ANO3: variants seen among roughly 807,000 people sequenced by gnomAD.
The protein encoded by ANO3 is anoctamin 3.
Under a neutral mutation model 144.8 loss-of-function variants are expected in ANO3, and 99 were observed. The ratio of observed to expected loss-of-function variants is 0.68; its 90% CI spans 0.58 to 0.81. The LOEUF (loss-of-function observed/expected upper bound fraction) is 0.81. ANO3 is among the 30% of genes least tolerant of loss of function. The pLI is 0.00. For missense variants in ANO3, 905 were observed against 1,202.2 expected (o/e 0.75, Z 3.66); for synonymous variants, 414 against 392.6 (o/e 1.05, Z -0.64).
chr11:26,540,187 G>T (rs1376683115), intron 10 of ANO3, among the ~76,000 whole-genome samples: 1 of 151,948 alleles, frequency 6.6e-6, no homozygotes. Context: ...TCAATTTTTT[G>T]AATATCTTAT....
chr11:26,533,514 A>C (rs1239684414), intron 8 of ANO3, among the ~76,000 whole-genome samples: 2 of 152,152 alleles, frequency 1.3e-5, no homozygotes, highest in Non-Finnish European at 2.9e-5. Context: ...GCGAGTACCG[A>C]GAGCCTTGGA....
At chr11:26,327,558 G>C (rs996070798), upstream of ANO3, among the ~76,000 whole-genome samples, 3 of 152,106 alleles carry the variant, frequency 2.0e-5, no homozygotes, top group South Asian at 2.1e-4. Flanking sequence ...AAGCAATATA[G>C]GATTAAAAGA....
chr11:26,520,546 A>G (rs1442856156), intron 6 of ANO3, among the ~76,000 whole-genome samples: 1 of 152,222 alleles, frequency 6.6e-6, no homozygotes, highest in Non-Finnish European at 1.5e-5. Context: ...AAAATATTTT[A>G]AAATATGCAG....
At position 26,542,274 on chromosome 11, in the gene ANO3, G is replaced by C. The variant is rs189584493; in HGVS notation, c.1154+206G>C. ...TGAGAAATCAAACAGGCTTTGCAAGGTGTCTAAGGGATGAGCAACAGCAAA... is the reference window on the plus strand; with the variant it reads ...TGAGAAATCAAACAGGCTTTGCAAGCTGTCTAAGGGATGAGCAACAGCAAA... On this transcript the variant is annotated intron_variant, in intron 11 of 26. Transcript: ENST00000256737. Among the ~76,000 whole-genome samples, 3 of 152,088 alleles carry C rather than the reference G, an allele frequency of 2.0e-5. No individual in the cohort carries two copies. The South Asian group carries it at 6.2e-4, about 31-fold the overall frequency.
chr11:26,512,154 A>T (rs1401890911), intron 5 of ANO3, among the ~76,000 whole-genome samples: 1 of 152,174 alleles, frequency 6.6e-6, no homozygotes, highest in Non-Finnish European at 1.5e-5. Context: ...CATTTCAGCA[A>T]TTTGTGTTTC....
At chr11:26,396,271 T>C (rs1278422608) in intron 1 of ANO3, among the ~76,000 whole-genome samples, 1 of 152,096 alleles carries the variant, frequency 6.6e-6, no homozygotes, top group Admixed American at 6.6e-5. Flanking sequence ...GTGGTGATCA[T>C]TAAAAAGTCA....
At chr11:26,348,440 TTCTTTTACCAAATATTGATGGAAC>T (rs1855553040) in intron 1 of ANO3, among the ~76,000 whole-genome samples, 1 of 152,218 alleles carries the variant, frequency 6.6e-6, no homozygotes, top group African/African-American at 2.4e-5. Flanking sequence ...GATAATGGGC[TTCTTTTACCAAATATTGATGGAAC>T]TCTTACCATA....
chr11:26,613,379 A>G (rs897181203), intron 17 of ANO3, among the ~76,000 whole-genome samples: 2 of 151,902 alleles, frequency 1.3e-5, no homozygotes, highest in African/African-American at 4.8e-5. Context: ...TCTCATTCAG[A>G]TCATTGGTTA....
intron 14 of ANO3, among the ~76,000 whole-genome samples, chr11:26,562,742 C>T (rs1273162673): frequency 1.3e-5 from 2 of 151,864 alleles, no homozygotes; most frequent in Non-Finnish European, 2.9e-5. Context: ...GTTCAAATTA[C>T]TGCTACTTAA....
chr11:26,230,365 A>T (rs1852364691), intron 1 of ANO3, among the ~76,000 whole-genome samples: 2 of 152,212 alleles, frequency 1.3e-5, no homozygotes, highest in African/African-American at 4.8e-5. Context: ...AATACTTTGA[A>T]TAGAAACAGG....
chr11:26,545,404 A>C (rs1590499994), intron 11 of ANO3, among the ~76,000 whole-genome samples: 1 of 152,168 alleles, frequency 6.6e-6, no homozygotes, highest in East Asian at 1.9e-4. Flanking sequence ...TTCCCATTTT[A>C]AAAATAAATT....
At chr11:26,518,499 C>T (rs1179919369) in intron 6 of ANO3, among the ~76,000 whole-genome samples, 73 of 151,876 alleles carry the variant, frequency 4.8e-4, no homozygotes, top group Non-Finnish European at 7.4e-5. Flanking sequence ...AGTCAAACTT[C>T]GTAAAAATAT....
At chr11:26,254,300 T>C (rs1853006080) in intron 1 of ANO3, among the ~76,000 whole-genome samples, 1 of 152,108 alleles carries the variant, frequency 6.6e-6, no homozygotes. Flanking sequence ...TTGCTGCACT[T>C]TCTGTTTAAC....
intron 1 of ANO3, among the ~76,000 whole-genome samples, chr11:26,280,884 T>C (rs1853663165): frequency 6.6e-6 from 1 of 152,148 alleles, no homozygotes; most frequent in African/African-American, 2.4e-5. Context: ...AAAGCAGTAA[T>C]AGATTTTATA....
At chr11:26,328,995 C>T (rs77800920), upstream of ANO3, among the ~76,000 whole-genome samples, 5,601 of 151,756 alleles carry the variant, frequency 0.037, 330 homozygotes, top group African/African-American at 0.12. Context: ...GTGTATTATA[C>T]ATTAATCATG....
At chr11:26,594,332 C>G (rs1002369495) in intron 14 of ANO3, among the ~76,000 whole-genome samples, 1 of 152,124 alleles carries the variant, frequency 6.6e-6, no homozygotes, top group Non-Finnish European at 1.5e-5. Context: ...CTGACTGAGA[C>G]GCCAGAGATC....
At chr11:26,231,830 AATTATGACT>A (rs1451972033) in intron 1 of ANO3, among the ~76,000 whole-genome samples, 3 of 152,176 alleles carry the variant, frequency 2.0e-5, no homozygotes, top group Non-Finnish European at 2.9e-5. Context: ...ATTATCATGC[AATTATGACT>A]ATTATTTGGA....
chr11:26,553,416 A>G, intron 13 of ANO3, 71 bp downstream of exon 13: 2 of 1,033,720 alleles, frequency 1.9e-6, no homozygotes, highest in South Asian at 1.5e-5. Context: ...TCCTCTAGTC[A>G]ATAGCTTTTT....
At position 26,644,815 on chromosome 11, in the gene ANO3, T is replaced by TCACACACACACACACA. The variant is rs71449132; in HGVS notation, c.2428+1500_2428+1515dup. On this transcript the variant is annotated intron_variant, in intron 23 of 26. Coordinates refer to ENST00000256737, the MANE Select transcript of ANO3 (RefSeq NM_031418.4). ...GCCCTATATTTATTGGGAATACTAA[T>TCACACACACACACACA]CACACACACACACACACACACACAC... Among the ~76,000 whole-genome samples the TCACACACACACACACA allele has an allele frequency of 5.3e-4, 77 of 145,294 alleles. 1 individual carries two copies. The highest frequency in any genetic ancestry group is 3.3e-3 in the East Asian group (16 of 4,820).
Sources: allele counts gnomAD v4.1 joint callset (sites outside exome capture counted in the v4.1 genomes callset), GRCh38; gene constraint gnomAD v4.1.1; transcripts MANE v1.5; gene names NCBI Gene and HGNC (gene_info 2026-07-23, HGNC 2026-07-21).